SCAI: variants seen among roughly 807,000 people sequenced by gnomAD.
SCAI encodes suppressor of cancer cell invasion, also known as protein SCAI.
Under a neutral mutation model 92.2 loss-of-function variants are expected in SCAI, and 24 were observed. The observed-to-expected ratio is 0.26, with a 90% CI of 0.19 to 0.37. The LOEUF (loss-of-function observed/expected upper bound fraction) is 0.37. SCAI is among the 10% of genes least tolerant of loss of function. The pLI, the probability that SCAI is intolerant of heterozygous loss-of-function variation, is 1.00. For synonymous variants in SCAI, 261 were observed against 258.6 expected (o/e 1.01, Z -0.09); for missense variants, 450 against 736.2 (o/e 0.61, Z 4.50).
chr9:124,957,612 C>T (rs1190971991), intron 17 of SCAI, among the ~76,000 whole-genome samples: 8 of 150,772 alleles, frequency 5.3e-5, no homozygotes, highest in East Asian at 3.9e-4. Flanking sequence ...CCTTGTGATC[C>T]GCCCGCCTCT....
At chr9:125,103,730 T>C (rs1834723559) in intron 2 of SCAI, among the ~76,000 whole-genome samples, 2 of 152,194 alleles carry the variant, frequency 1.3e-5, no homozygotes, top group African/African-American at 4.8e-5. Flanking sequence ...CGATTTCTCC[T>C]CAAAATTCAA....
chr9:125,019,817 T>C (rs1233322341), intron 7 of SCAI, among the ~76,000 whole-genome samples: 2 of 152,136 alleles, frequency 1.3e-5, no homozygotes, highest in Non-Finnish European at 2.9e-5. Flanking sequence ...CTCATGCCTG[T>C]AATCCCAGCA....
At chr9:125,121,728 C>T (rs543704264) in intron 2 of SCAI, among the ~76,000 whole-genome samples, 34 of 152,058 alleles carry the variant, frequency 2.2e-4, no homozygotes, top group Non-Finnish European at 4.7e-4. Flanking sequence ...TGGCACACCC[C>T]TGTAGTCCCA....
intron 2 of SCAI, among the ~76,000 whole-genome samples, chr9:125,104,603 T>TAAAA (rs34277435): frequency 7.7e-6 from 1 of 130,414 alleles, no homozygotes; most frequent in Non-Finnish European, 1.6e-5. Flanking sequence ...TGTTTTACTT[T>TAAAA]AAAAAAAAAA....
intron 3 of SCAI, among the ~76,000 whole-genome samples, chr9:125,049,539 T>C (rs1833514046): frequency 1.3e-5 from 2 of 152,248 alleles, no homozygotes; most frequent in African/African-American, 4.8e-5. Flanking sequence ...ATGCGAAACA[T>C]CATTCATTTC....
At chr9:125,049,481 C>T (rs1833512439) in intron 3 of SCAI, among the ~76,000 whole-genome samples, 1 of 152,202 alleles carries the variant, frequency 6.6e-6, no homozygotes, top group Non-Finnish European at 1.5e-5. Context: ...CTTTTTCTAA[C>T]ATTATTCTCA....
At chr9:125,054,603 T>C (rs1192440381) in intron 3 of SCAI, among the ~76,000 whole-genome samples, 2 of 149,936 alleles carry the variant, frequency 1.3e-5, no homozygotes, top group African/African-American at 2.4e-5. Context: ...TGCAGGAAAA[T>C]AAAAGATTTA....
chr9:124,953,583 G>A (rs549811412), intron 17 of SCAI, among the ~76,000 whole-genome samples: 39 of 152,164 alleles, frequency 2.6e-4, no homozygotes, highest in Admixed American at 1.2e-3. Context: ...TTGAGATCAC[G>A]CCATTGCACT....
rs1421965082 is a variant in SCAI, at chr9:125,039,404, AG to A, written c.231-9666del. ...CCATCTCAAAAAAAAAAAAAAAAAA[AG>A]AAAAGAAAAAGAAAAAGAAAGAAAT... On this transcript the variant is annotated intron_variant, in intron 3 of 17. Transcript: ENST00000336505. Among the ~76,000 whole-genome samples, 176 of 151,176 alleles carry A rather than the reference AG, an allele frequency of 1.2e-3. 1 individual carries two copies. Among genetic ancestry groups the A allele is most frequent in the African/African-American group, 4.1e-3 (170 of 41,194 alleles).
In SCAI at chr9:124,983,534, G is replaced by A. The variant is rs183307784; in HGVS notation, c.1327-7348C>T. On this transcript the variant is annotated intron_variant, in intron 14 of 17. Coordinates refer to ENST00000336505, the MANE Select transcript of SCAI (RefSeq NM_001144877.3). Reference sequence around the variant, plus strand: ...CACCCGGCTAATTTTTGTATTTTTAGTAGAGACAGGGTTTCACCATGTTGG... The same window carrying A: ...CACCCGGCTAATTTTTGTATTTTTAATAGAGACAGGGTTTCACCATGTTGG... Among the ~76,000 whole-genome samples, 445 of 152,196 alleles carry A rather than the reference G, an allele frequency of 2.9e-3. 6 individuals are homozygous for A. The highest frequency in any genetic ancestry group is 0.011 in the African/African-American group (439 of 41,520).
intron 17 of SCAI, among the ~76,000 whole-genome samples, chr9:124,956,516 G>A (rs1831317424): frequency 1.3e-5 from 2 of 152,244 alleles, no homozygotes; most frequent in South Asian, 4.2e-4. Flanking sequence ...ACCGCGCCTG[G>A]CTGATTTAAC....
At chr9:125,077,510 G>A (rs763077913) in intron 2 of SCAI, among the ~76,000 whole-genome samples, 3 of 152,128 alleles carry the variant, frequency 2.0e-5, no homozygotes, top group Non-Finnish European at 4.4e-5. Context: ...TATTAACCCT[G>A]TTAGGAGCTA....
intron 2 of SCAI, among the ~76,000 whole-genome samples, chr9:125,075,095 T>C (rs1046774959): frequency 2.6e-5 from 4 of 152,116 alleles, no homozygotes; most frequent in Admixed American, 6.6e-5. Flanking sequence ...ATGAAGCTAA[T>C]GGGGCAGGAA....
chr9:125,046,128 T>C (rs979952084), intron 3 of SCAI, among the ~76,000 whole-genome samples: 3 of 136,090 alleles, frequency 2.2e-5, no homozygotes, highest in South Asian at 2.4e-4. Context: ...ATGGCACAAT[T>C]TGCAATTGCA....
intron 13 of SCAI, among the ~76,000 whole-genome samples, chr9:124,996,818 A>G (rs895522801): frequency 7.3e-5 from 11 of 151,558 alleles, no homozygotes; most frequent in Admixed American, 5.3e-4. Flanking sequence ...TTTAGTAGAG[A>G]TGGGATTTCA....
chr9:125,020,922 TCTTA>T (rs1352151616), intron 6 of SCAI, among the ~76,000 whole-genome samples, 153 bp from the exon 7 acceptor site: 2 of 152,214 alleles, frequency 1.3e-5, no homozygotes, highest in Non-Finnish European at 2.9e-5. Flanking sequence ...TTAAAATATT[TCTTA>T]CTGATTTATT....
intron 2 of SCAI, among the ~76,000 whole-genome samples, chr9:125,064,091 CAT>C (rs1163736464): frequency 1.3e-5 from 2 of 152,126 alleles, no homozygotes; most frequent in Non-Finnish European, 1.5e-5. Context: ...CACCTAATAA[CAT>C]AGCCTCAAAA....
intron 6 of SCAI, among the ~76,000 whole-genome samples, chr9:125,021,365 C>T (rs59701863): frequency 0.19 from 28,544 of 152,136 alleles, 2,757 homozygotes; most frequent in East Asian, 0.24. Flanking sequence ...TTGTTTCCTA[C>T]TTGCTCCTTC....
Position 125,103,006 on chromosome 9 carries a change from C to T in SCAI, c.98+39627G>A, listed in dbSNP as rs574618142. 3.9e-5 allele frequency among the ~76,000 whole-genome samples: 6 copies of T among 152,272 alleles called. No individual in the cohort carries two copies. The South Asian group carries it at 1.2e-3, about 32-fold the overall frequency. On this transcript the variant is annotated intron_variant, in intron 2 of 17. Coordinates refer to ENST00000336505, the MANE Select transcript of SCAI (RefSeq NM_001144877.3). ...ACCTGCCCTCTGCTTTTCCTCACTG[C>T]TTGTTTCCTTCTCTGCCTAATCAAG... is the stretch of plus-strand genomic sequence containing the variant.
Sources: allele counts gnomAD v4.1 joint callset (sites outside exome capture counted in the v4.1 genomes callset), GRCh38; gene constraint gnomAD v4.1.1; transcripts MANE v1.5; gene names NCBI Gene and HGNC (gene_info 2026-07-23, HGNC 2026-07-21).